XPNPEP1: variants seen among roughly 807,000 people sequenced by gnomAD.
XPNPEP1 encodes xaa-Pro aminopeptidase 1.
Under a neutral mutation model 92.4 loss-of-function variants are expected in XPNPEP1, and 39 were observed. That is an observed-to-expected ratio of 0.42 (90% confidence interval 0.33 to 0.55). The LOEUF is 0.55. Among genes scored for constraint, XPNPEP1 ranks in the 20% least tolerant of loss-of-function variants. The pLI, the probability that XPNPEP1 is intolerant of heterozygous loss-of-function variation, is 0.08. For synonymous variants in XPNPEP1, 307 were observed against 299.4 expected (o/e 1.03, Z -0.26); for missense variants, 654 against 856.1 (o/e 0.76, Z 2.95).
At chr10:109,884,171 T>C in intron 8 of XPNPEP1, 23 bp from the exon 9 acceptor site, 1 of 1,611,012 alleles carries the variant, frequency 6.2e-7, no homozygotes, top group Non-Finnish European at 8.5e-7. Context: ...TCAAAATCCC[T>C]GTCACCTGTC....
At chr10:109,914,881 C>G in intron 2 of XPNPEP1, 130 bp downstream of exon 2, 2 of 455,662 alleles carry the variant, frequency 4.4e-6, no homozygotes, top group East Asian at 7.1e-5. Context: ...TTTTTAACTT[C>G]CAGATACTAA....
intron 3 of XPNPEP1, 86 bp from the exon 4 acceptor site, chr10:109,893,161 G>C (rs759799828): frequency 7.6e-7 from 1 of 1,311,526 alleles, no homozygotes; most frequent in Non-Finnish European, 1.1e-6. Flanking sequence ...TAGGCTCAGC[G>C]GGGACTATGA....
At chr10:109,880,391 C>G (rs935626237) in intron 11 of XPNPEP1, among the ~76,000 whole-genome samples, 153 bp from the exon 12 acceptor site, 13 of 152,170 alleles carry the variant, frequency 8.5e-5, no homozygotes, top group African/African-American at 2.9e-4. Flanking sequence ...TTCTGGGAAG[C>G]TGGTGTGTGC....
At position 109,875,542 on chromosome 10, in the gene XPNPEP1, C is replaced by G; in HGVS notation, c.1377G>C (p.Ser459=). The G allele has an allele frequency of 6.2e-7, 1 of 1,614,044 alleles. No homozygotes were observed. ...LSLDEVYLID[S]GAQYKDGTTD... ...GGTTTACTTACTTGTATTGAGCACCCGAGTCAATAAGGTACACCTCATCCA... is the reference window on the plus strand; with the variant it reads ...GGTTTACTTACTTGTATTGAGCACCGGAGTCAATAAGGTACACCTCATCCA... Residue 459 remains serine, a synonymous_variant, in exon 15 of 21, where the codon TCG becomes TCC. Coordinates refer to ENST00000502935, the MANE Select transcript of XPNPEP1 (RefSeq NM_020383.4).
chr10:109,887,910 A>T (rs1255617096), intron 7 of XPNPEP1, 139 bp downstream of exon 7: 1 of 1,192,474 alleles, frequency 8.4e-7, no homozygotes, highest in Non-Finnish European at 1.1e-6. Context: ...TTCTTCAAAT[A>T]TCCCACTGGG....
intron 15 of XPNPEP1, among the ~76,000 whole-genome samples, chr10:109,875,110 T>C (rs2133373247): frequency 6.6e-6 from 1 of 152,264 alleles, no homozygotes. Context: ...GAGAAAGAAA[T>C]TCAGAAATGT....
chr10:109,882,314 T>C (rs952265508), intron 10 of XPNPEP1, 118 bp downstream of exon 10: 31 of 1,196,366 alleles, frequency 2.6e-5, no homozygotes, highest in Non-Finnish European at 1.8e-5. Flanking sequence ...GCCTCATCCA[T>C]GGAGACCACA....
chr10:109,887,850 A>G (rs939307896), intron 7 of XPNPEP1, among the ~76,000 whole-genome samples, 199 bp downstream of exon 7: 2 of 152,272 alleles, frequency 1.3e-5, no homozygotes, highest in African/African-American at 2.4e-5. Flanking sequence ...AACCAAAGCC[A>G]AACTAAGTGG....
intron 2 of XPNPEP1, among the ~76,000 whole-genome samples, chr10:109,914,797 C>CAA (rs35548906): frequency 0.32 from 30,746 of 97,236 alleles, 4,398 homozygotes; most frequent in Admixed American, 0.47. Flanking sequence ...GACTCCGTCT[C>CAA]AAAAAAAAAA....
At chr10:109,888,639 ACGC>A in intron 5 of XPNPEP1, 44 bp from the exon 6 acceptor site, 1 of 1,473,136 alleles carries the variant, frequency 6.8e-7, no homozygotes, top group South Asian at 1.3e-5. Flanking sequence ...CAGTGGGCCC[ACGC>A]TCATTATCCC....
At chr10:109,889,448 C>T (rs1848581469) in intron 5 of XPNPEP1, among the ~76,000 whole-genome samples, 1 of 152,182 alleles carries the variant, frequency 6.6e-6, no homozygotes, top group Non-Finnish European at 1.5e-5. Flanking sequence ...AGTGATCCTC[C>T]CACCTCAGCC....
chr10:109,923,479 C>G lies in XPNPEP1; in HGVS notation c.-46G>C, dbSNP rs1400951574. ...CCCACGTCAGGGGAGCGCAGACCAG[C>G]TGATCACCCGCGGAAGGGCCGGCGC... On this transcript the variant is annotated 5_prime_UTR_variant, in exon 1 of 21. Coordinates refer to ENST00000502935, the MANE Select transcript of XPNPEP1 (RefSeq NM_020383.4). 4.4e-6 allele frequency: 6 copies of G among 1,362,432 alleles called. No homozygotes were observed. Among genetic ancestry groups the G allele is most frequent in the Middle Eastern group, 2.7e-4 (1 of 3,674 alleles). The allele number at this position is 1,362,432 out of a possible 1,614,324, so 84.4% of individuals were successfully genotyped here. A position where few individuals can be genotyped will look rare whatever the true frequency, so the allele number is the denominator to read the frequency against.
intron 3 of XPNPEP1, among the ~76,000 whole-genome samples, chr10:109,904,450 T>C (rs1849447396): frequency 1.3e-5 from 2 of 151,972 alleles, no homozygotes; most frequent in Admixed American, 1.3e-4. Context: ...AGGTATTCCA[T>C]GAAACACTAG....
At chr10:109,901,180 A>G (rs1849269283) in intron 3 of XPNPEP1, among the ~76,000 whole-genome samples, 1 of 149,074 alleles carries the variant, frequency 6.7e-6, no homozygotes, top group African/African-American at 2.5e-5. Context: ...AACTATCGCA[A>G]GGACAGAAAA....
At chr10:109,899,053 C>T (rs1849136140) in intron 3 of XPNPEP1, among the ~76,000 whole-genome samples, 1 of 152,166 alleles carries the variant, frequency 6.6e-6, no homozygotes. Context: ...ACAGGAAGTA[C>T]CAAAAGTTAG....
chr10:109,915,349 G>A (rs1382387001), intron 1 of XPNPEP1, among the ~76,000 whole-genome samples: 2 of 152,152 alleles, frequency 1.3e-5, no homozygotes, highest in Non-Finnish European at 2.9e-5. Flanking sequence ...TATTTAACTA[G>A]ACTAAGAAGA....
intron 3 of XPNPEP1, among the ~76,000 whole-genome samples, chr10:109,900,104 A>G (rs1849201721): frequency 6.6e-6 from 1 of 152,210 alleles, no homozygotes; most frequent in African/African-American, 2.4e-5. Context: ...GAAGCAGACC[A>G]CTGCAGTGCC....
At chr10:109,880,152 G>A (rs1323361670) in intron 12 of XPNPEP1, 36 bp downstream of exon 12, 2 of 1,603,248 alleles carry the variant, frequency 1.2e-6, no homozygotes, top group South Asian at 1.1e-5. Flanking sequence ...TCTGAATAAT[G>A]TATATCCACA....
intron 15 of XPNPEP1, chr10:109,873,686 C>G (rs1847614883): frequency 2.1e-6 from 1 of 486,826 alleles, no homozygotes; most frequent in South Asian, 2.9e-5. Flanking sequence ...CATGAAGGTT[C>G]ACAGCCACAT....
Sources: allele counts gnomAD v4.1 joint callset (sites outside exome capture counted in the v4.1 genomes callset), GRCh38; gene constraint gnomAD v4.1.1; transcripts MANE v1.5; gene names NCBI Gene and HGNC (gene_info 2026-07-23, HGNC 2026-07-21).